TSEN15: variants seen among roughly 807,000 people sequenced by gnomAD.
TSEN15 encodes tRNA splicing endonuclease subunit 15.
A neutral mutation model predicts 20.5 loss-of-function variants in TSEN15; 10 were observed. That is an observed-to-expected ratio of 0.49 (90% CI 0.30 to 0.83). The LOEUF (loss-of-function observed/expected upper bound fraction) is 0.83, where lower values mean the gene tolerates loss of function less well. Ranked by LOEUF, TSEN15 falls within the 40% of genes least tolerant of loss-of-function variation. The pLI is 0.06. For synonymous variants in TSEN15, 72 were observed against 80.1 expected, an observed-to-expected ratio of 0.90 and a Z score of 0.54; for missense variants, 180 against 218.6, an observed-to-expected ratio of 0.82 and a Z score of 1.11.
intron 3 of TSEN15, among the ~76,000 whole-genome samples, chr1:184,058,905 A>G (rs1040920611): frequency 6.6e-6 from 1 of 152,100 alleles, no homozygotes; most frequent in African/African-American, 2.4e-5. Flanking sequence ...GGTCTTAACA[A>G]TTATTTATTG....
chr1:184,052,060 T>C (rs1298592725), intron 1 of TSEN15, among the ~76,000 whole-genome samples, 170 bp downstream of exon 1: 1 of 152,166 alleles, frequency 6.6e-6, no homozygotes, highest in Admixed American at 6.5e-5. Flanking sequence ...TCGGTTTTGT[T>C]TGTTTAAACA....
In TSEN15 at chr1:184,072,901, A is replaced by G; in HGVS notation, c.*54A>G. On this transcript the variant is annotated 3_prime_UTR_variant, in exon 5 of 5. Coordinates refer to ENST00000645668, the MANE Select transcript of TSEN15 (RefSeq NM_052965.4). ...TCATACAAGATTGGATTTGAGACCC[A>G]TCAGACTGCTTCATCTTTTATCTCA... is the stretch of plus-strand genomic sequence containing the variant. The G allele has an allele frequency of 6.5e-7, 1 of 1,538,134 alleles. No homozygotes were observed. The highest frequency in any genetic ancestry group is 8.9e-7 in the Non-Finnish European group (1 of 1,128,572).
At chr1:184,080,698 A>C (rs920606425) in intron 3 of TSEN15, among the ~76,000 whole-genome samples, 2 of 152,206 alleles carry the variant, frequency 1.3e-5, no homozygotes, top group Non-Finnish European at 2.9e-5. Flanking sequence ...CAAACCTAAA[A>C]CAATATTTAA....
chr1:184,088,135 C>T (rs1246021671), intron 3 of TSEN15, among the ~76,000 whole-genome samples: 5 of 152,132 alleles, frequency 3.3e-5, no homozygotes, highest in Non-Finnish European at 7.4e-5. Flanking sequence ...GGCCTCTGAG[C>T]TGTGGGCACC....
intron 1 of TSEN15, 55 bp downstream of exon 1, chr1:184,051,945 C>G (rs1650066491): frequency 2.9e-6 from 4 of 1,380,740 alleles, no homozygotes; most frequent in Non-Finnish European, 3.8e-6. Context: ...CCAGGCAGAA[C>G]ACTCCCAGGC....
chr1:184,054,461 G>T, intron 2 of TSEN15, 26 bp downstream of exon 2: 1 of 1,543,842 alleles, frequency 6.5e-7, no homozygotes, highest in Non-Finnish European at 8.9e-7. Context: ...ATATTGTTTT[G>T]TTATTGGGAC....
chr1:184,092,914 T>C (rs890664285), intron 3 of TSEN15, among the ~76,000 whole-genome samples: 4 of 152,218 alleles, frequency 2.6e-5, no homozygotes, highest in Non-Finnish European at 5.9e-5. Context: ...TTATTGTCTC[T>C]TGTGTTTTAA....
At chr1:184,072,036 C>T in intron 3 of TSEN15, 121 bp from the exon 4 acceptor site, 2 of 897,408 alleles carry the variant, frequency 2.2e-6, no homozygotes, top group South Asian at 2.4e-5. Context: ...ATTATTTTTT[C>T]TCTTTTTACT....
chr1:184,072,812 C>A lies in TSEN15; in HGVS notation c.496-15C>A. ...TTATCGGAGAAAAGTCCATCCTGAT[C>A]TTTTTTTTTTCCAGAATATTTCTCT... On this transcript the variant is annotated splice_polypyrimidine_tract_variant and intron_variant, in intron 4 of 4. Transcript: ENST00000645668. 1 of 1,433,524 alleles carries A rather than the reference C, an allele frequency of 7.0e-7. No individual in the cohort carries two copies. The highest frequency in any genetic ancestry group is 9.5e-7 in the Non-Finnish European group (1 of 1,050,158). 88.8% of individuals were successfully genotyped at this position (1,433,524 alleles called of 1,614,324 possible).
intron 3 of TSEN15, among the ~76,000 whole-genome samples, chr1:184,090,166 C>A (rs1303498557): frequency 6.6e-6 from 1 of 152,202 alleles, no homozygotes; most frequent in African/African-American, 2.4e-5. Flanking sequence ...CTGACATACA[C>A]CACAACATGG....
chr1:184,090,402 C>G (rs1651336675), intron 3 of TSEN15, among the ~76,000 whole-genome samples: 1 of 152,040 alleles, frequency 6.6e-6, no homozygotes, highest in Non-Finnish European at 1.5e-5. Flanking sequence ...GTGGTGTTTC[C>G]ATGTCTGGTT....
intron 3 of TSEN15, chr1:184,055,151 A>G (rs1293765500): frequency 1.2e-5 from 3 of 245,376 alleles, no homozygotes; most frequent in Non-Finnish European, 2.3e-5. Flanking sequence ...CTCGGCTTCT[A>G]GGGAGGCCTC....
intron 3 of TSEN15, among the ~76,000 whole-genome samples, chr1:184,060,435 G>A (rs2102883227): frequency 6.6e-6 from 1 of 152,374 alleles, no homozygotes; most frequent in Admixed American, 6.5e-5. Context: ...TGCCCCTGAA[G>A]CATGTCTGTG....
chr1:184,062,680 T>C (rs768790246), intron 3 of TSEN15, among the ~76,000 whole-genome samples: 5 of 152,062 alleles, frequency 3.3e-5, no homozygotes, highest in Non-Finnish European at 5.9e-5. Context: ...AAGTGACTTA[T>C]ACAGGGACTC....
rs368528376 is a variant in TSEN15 at position 184,058,558 on chromosome 1, A to G, written c.353+3695A>G. ...TTTTATCTATTTTTACTTTTAGTGT[A>G]TTTTATAATATAAAATGTTATATAT... On this transcript the variant is annotated intron_variant, in intron 3 of 4. Transcript: ENST00000645668. 3.9e-5 allele frequency among the ~76,000 whole-genome samples: 6 copies of G among 152,148 alleles called. No homozygotes were observed. The East Asian group carries it at 7.7e-4, about 20-fold the overall frequency.
At chr1:184,090,132 C>T (rs946071476) in intron 3 of TSEN15, among the ~76,000 whole-genome samples, 1 of 152,172 alleles carries the variant, frequency 6.6e-6, no homozygotes, top group Non-Finnish European at 1.5e-5. Context: ...TGGGATACTA[C>T]TCAGCAATAA....
intron 3 of TSEN15, among the ~76,000 whole-genome samples, chr1:184,060,561 A>T (rs1650415636): frequency 6.6e-6 from 1 of 152,276 alleles, no homozygotes; most frequent in Non-Finnish European, 1.5e-5. Flanking sequence ...TTTTAAGAAT[A>T]CTTTGCATTT....
intron 1 of TSEN15, among the ~76,000 whole-genome samples, chr1:184,052,820 G>A (rs1650104253): frequency 6.6e-6 from 1 of 152,172 alleles, no homozygotes; most frequent in Admixed American, 6.5e-5. Context: ...TGGAGAGGCA[G>A]CATATTGGTT....
chr1:184,067,189 T>C (rs1313216283), intron 3 of TSEN15, among the ~76,000 whole-genome samples: 3 of 151,470 alleles, frequency 2.0e-5, no homozygotes, highest in Non-Finnish European at 4.4e-5. Context: ...AATTTATCAG[T>C]AAACCCTGTC....
Sources: allele counts gnomAD v4.1 joint callset (sites outside exome capture counted in the v4.1 genomes callset), GRCh38; gene constraint gnomAD v4.1.1; transcripts MANE v1.5; gene names NCBI Gene and HGNC (gene_info 2026-07-23, HGNC 2026-07-21).